Variants in GALNTL6 observed in about 807,000 individuals in gnomAD.
GALNTL6 encodes the protein polypeptide N-acetylgalactosaminyltransferase like 6, also known as polypeptide N-acetylgalactosaminyltransferase-like 6.
In GALNTL6, 46 loss-of-function variants were observed where a neutral mutation model predicts 73.7. The ratio of observed to expected loss-of-function variants is 0.62; its 90% confidence interval spans 0.49 to 0.80. The LOEUF is 0.80. Among genes scored for constraint, GALNTL6 ranks in the 30% least tolerant of loss-of-function variants. GALNTL6 has a pLI of 0.00. For synonymous variants in GALNTL6, 259 were observed against 263.7 expected, an observed-to-expected ratio of 0.98 and a Z score of 0.17; for missense variants, 604 against 755.0, an observed-to-expected ratio of 0.80 and a Z score of 2.34.
intron 5 of GALNTL6, among the ~76,000 whole-genome samples, chr4:172,587,291 A>C (rs1187244254): frequency 6.6e-6 from 1 of 152,230 alleles, no homozygotes; most frequent in Non-Finnish European, 1.5e-5. Flanking sequence ...ATGTCTACAA[A>C]GAATAGCAAA....
intron 5 of GALNTL6, among the ~76,000 whole-genome samples, chr4:172,687,634 A>G (rs1733006769): frequency 6.6e-6 from 1 of 151,914 alleles, no homozygotes; most frequent in East Asian, 1.9e-4. Context: ...TCAAAAAAAA[A>G]AAAAAAAAAA....
rs575690774 is a variant in GALNTL6 at position 171,984,336 on chromosome 4, T to C, written c.138+169618T>C. ...CAGTACCAGCTTCCTGTCTTAAGGG[T>C]CTTGCTTTGCTTTTGGAGCAGAAAG... On this transcript the variant is annotated intron_variant, in intron 2 of 12. Coordinates refer to ENST00000506823, the MANE Select transcript of GALNTL6 (RefSeq NM_001034845.3). Among the ~76,000 whole-genome samples, 10 of 152,284 alleles carry C rather than the reference T, an allele frequency of 6.6e-5. No individual in the cohort carries two copies. The South Asian group carries it at 1.4e-3, about 22-fold the overall frequency.
At chr4:171,912,655 T>A (rs755569948) in intron 2 of GALNTL6, among the ~76,000 whole-genome samples, 1 of 152,048 alleles carries the variant, frequency 6.6e-6, no homozygotes, top group Non-Finnish European at 1.5e-5. Context: ...TTAATCCTTC[T>A]AACTGGTTCT....
intron 2 of GALNTL6, among the ~76,000 whole-genome samples, chr4:172,027,035 G>A (rs893134690): frequency 6.6e-6 from 1 of 151,968 alleles, no homozygotes; most frequent in Non-Finnish European, 1.5e-5. Flanking sequence ...GACTACAGGT[G>A]CATGCCACCA....
chr4:171,980,081 C>T (rs1160090897), intron 2 of GALNTL6, among the ~76,000 whole-genome samples: 1 of 151,964 alleles, frequency 6.6e-6, no homozygotes, highest in East Asian at 1.9e-4. Flanking sequence ...ATAAAACAAA[C>T]CTATGTTTAT....
At chr4:172,155,115 A>G (rs1476742928) in intron 2 of GALNTL6, among the ~76,000 whole-genome samples, 1 of 150,710 alleles carries the variant, frequency 6.6e-6, no homozygotes, top group Non-Finnish European at 1.5e-5. Context: ...CTGCTGTCTC[A>G]GGCTCCTGAG....
At chr4:172,161,237 C>G (rs1201534639) in intron 2 of GALNTL6, among the ~76,000 whole-genome samples, 2 of 151,826 alleles carry the variant, frequency 1.3e-5, no homozygotes, top group Non-Finnish European at 2.9e-5. Flanking sequence ...TAATTGGTTG[C>G]ATTTTGCCAC....
intron 5 of GALNTL6, among the ~76,000 whole-genome samples, chr4:172,662,257 TATGATCATTTCTATA>T (rs1472576352): frequency 1.3e-5 from 2 of 152,214 alleles, no homozygotes; most frequent in Non-Finnish European, 2.9e-5. Flanking sequence ...TCACAGTGAC[TATGATCATTTCTATA>T]AGGCAGTCAT....
chr4:172,765,857 ATG>A (rs35408627), intron 5 of GALNTL6, among the ~76,000 whole-genome samples: 70,498 of 149,552 alleles, frequency 0.47, 16,968 homozygotes, highest in African/African-American at 0.61. Context: ...AAAAAATCAC[ATG>A]TTTGCTGAAA....
chr4:172,350,473 A>C (rs1741904881), intron 5 of GALNTL6, among the ~76,000 whole-genome samples: 1 of 152,166 alleles, frequency 6.6e-6, no homozygotes, highest in South Asian at 2.1e-4. Flanking sequence ...GTAGACTGTC[A>C]ATGTAATTAG....
At chr4:171,847,846 A>G (rs956643160) in intron 2 of GALNTL6, among the ~76,000 whole-genome samples, 1 of 152,136 alleles carries the variant, frequency 6.6e-6, no homozygotes, top group African/African-American at 2.4e-5. Context: ...CCTCCCCTGA[A>G]GTCTTGAACT....
chr4:172,498,216 T>C (rs976892524), intron 5 of GALNTL6, among the ~76,000 whole-genome samples: 38 of 151,936 alleles, frequency 2.5e-4, no homozygotes, highest in African/African-American at 8.9e-4. Context: ...TCTCTATCTC[T>C]TGACCTCGTG....
At chr4:171,890,563 T>G (rs1736732157) in intron 2 of GALNTL6, among the ~76,000 whole-genome samples, 1 of 152,170 alleles carries the variant, frequency 6.6e-6, no homozygotes, top group African/African-American at 2.4e-5. Context: ...AATTGCCATA[T>G]AATAACCTGA....
At position 171,987,379 on chromosome 4, in the gene GALNTL6, A is replaced by G. The variant is rs562274008; in HGVS notation, c.138+172661A>G. 4.5e-3 allele frequency among the ~76,000 whole-genome samples: 680 copies of G among 152,256 alleles called. 5 individuals carry two copies. Among genetic ancestry groups the G allele is most frequent in the African/African-American group, 0.016 (651 of 41,536 alleles). On this transcript the variant is annotated intron_variant, in intron 2 of 12. Coordinates refer to ENST00000506823, the MANE Select transcript of GALNTL6 (RefSeq NM_001034845.3). ...TGGTCTATTATCAGACTGTATAGAG[A>G]TGGGAAGGCTAAACTGAGGAATTAT...
rs1031287619 is a variant in GALNTL6, at chr4:172,965,622, A to G, written c.1371+13364A>G. On this transcript the variant is annotated intron_variant, in intron 10 of 12. Transcript: ENST00000506823. ...ATAAAAATTAAAAGTAAAAATTAAA[A>G]AAAAAAAAACAATTTTAATTCCACA... Among the ~76,000 whole-genome samples, 21 of 152,004 alleles carry G rather than the reference A, an allele frequency of 1.4e-4. No individual in the cohort carries two copies. In the South Asian group the frequency reaches 3.7e-3, roughly 27 times the overall value.
intron 5 of GALNTL6, among the ~76,000 whole-genome samples, chr4:172,730,460 A>G (rs1736077891): frequency 6.6e-6 from 1 of 152,226 alleles, no homozygotes. Context: ...ATTTTATTAA[A>G]TGCTTTTGAG....
Position 172,219,986 on chromosome 4 carries a change from T to G in GALNTL6, c.139-9670T>G, listed in dbSNP as rs561565191. ...AATTTTCTAGTGGAAAATATTATAT[T>G]TTACATTCAGCCAGTAAATCCAATT... On this transcript the variant is annotated intron_variant, in intron 2 of 12. Transcript: ENST00000506823. 9.2e-5 allele frequency among the ~76,000 whole-genome samples: 14 copies of G among 152,006 alleles called. No homozygotes were observed. The South Asian group carries it at 2.7e-3, about 29-fold the overall frequency.
At chr4:172,541,725 G>A (rs1335017007) in intron 5 of GALNTL6, among the ~76,000 whole-genome samples, 1 of 152,130 alleles carries the variant, frequency 6.6e-6, no homozygotes, top group Non-Finnish European at 1.5e-5. Flanking sequence ...TAGGATTTGA[G>A]AGGGCCACAT....
chr4:172,214,779 C>T lies in GALNTL6; in HGVS notation c.139-14877C>T, dbSNP rs141875953. On this transcript the variant is annotated intron_variant, in intron 2 of 12. Transcript: ENST00000506823. ...CGGCCTGCCTTGGCCTCTCAAAGTG[C>T]TGGAATAACAGATGTGAGGCACCGT... Among the ~76,000 whole-genome samples the T allele has an allele frequency of 1.7e-3, 262 of 152,184 alleles. 5 individuals carry two copies. The East Asian group carries it at 0.044, about 26-fold the overall frequency.
Sources: allele counts gnomAD v4.1 joint callset (sites outside exome capture counted in the v4.1 genomes callset), GRCh38; gene constraint gnomAD v4.1.1; transcripts MANE v1.5; gene names NCBI Gene and HGNC (gene_info 2026-07-23, HGNC 2026-07-21).